The following TEX2 variants were observed in gnomAD, a reference collection of about 807,000 sequenced individuals.
TEX2 encodes the protein testis-expressed protein 2.
A neutral mutation model predicts 106.9 loss-of-function variants in TEX2; 53 were observed. That is an observed-to-expected ratio of 0.50 (90% CI 0.40 to 0.62). The LOEUF (loss-of-function observed/expected upper bound fraction) is 0.62, where lower values mean the gene tolerates loss of function less well. TEX2 is among the 20% of genes least tolerant of loss of function. TEX2 has a pLI of 0.00. For missense variants in TEX2, 1,207 were observed against 1,379.0 expected (o/e 0.88, Z 1.98); for synonymous variants, 523 against 534.8 (o/e 0.98, Z 0.30).
chr17:64,210,633 G>GTTTTTTTT (rs1598182744), intron 2 of TEX2, among the ~76,000 whole-genome samples: 1 of 66,334 alleles, frequency 1.5e-5, no homozygotes, highest in African/African-American at 5.3e-5. Flanking sequence ...CCAACCCCCA[G>GTTTTTTTT]CTTTTTTTTT....
At chr17:64,247,963 C>G (rs529510826) in intron 1 of TEX2, among the ~76,000 whole-genome samples, 1 of 152,222 alleles carries the variant, frequency 6.6e-6, no homozygotes, top group South Asian at 2.1e-4. Context: ...AATCCACATT[C>G]CTTTGGATGG....
chr17:64,177,310 T>C lies in TEX2; in HGVS notation c.2571+15A>G, dbSNP rs2031654500. The C allele has an allele frequency of 6.2e-7, 1 of 1,613,956 alleles. No homozygotes were observed. Among genetic ancestry groups the C allele is most frequent in the Non-Finnish European group, 8.5e-7 (1 of 1,179,948 alleles). ...AGTATAGAGGATTAGAAGCCTCTTG[T>C]GTGGAAAGTGATACCTTTATTTTGC... On this transcript the variant is annotated intron_variant, in intron 6 of 11. Coordinates refer to ENST00000584379, the MANE Select transcript of TEX2 (RefSeq NM_001288732.2).
At chr17:64,168,253 G>C (rs943203463) in intron 7 of TEX2, among the ~76,000 whole-genome samples, 3 of 152,000 alleles carry the variant, frequency 2.0e-5, no homozygotes, top group Non-Finnish European at 4.4e-5. Flanking sequence ...TTTCTTTCAC[G>C]GTCATTTCTG....
intron 2 of TEX2, among the ~76,000 whole-genome samples, chr17:64,209,538 GAC>G (rs1198042805): frequency 2.0e-5 from 3 of 152,236 alleles, no homozygotes; most frequent in Admixed American, 6.5e-5. Context: ...CTTAGTCTAT[GAC>G]AGTTTGCTTG....
intron 7 of TEX2, among the ~76,000 whole-genome samples, chr17:64,162,140 A>G (rs1281572964): frequency 6.6e-6 from 1 of 152,246 alleles, no homozygotes; most frequent in East Asian, 1.9e-4. Context: ...ATGGAGATCA[A>G]TTGTGATTAT....
Position 64,213,867 on chromosome 17 carries a change from C to T in TEX2, c.351G>A (p.Leu117=). The change falls in exon 2 of 12, where the codon TTG becomes TTA. Residue 117 remains leucine, a synonymous_variant. Transcript: ENST00000584379. The surrounding 1 kb of genome is among the most constrained non-coding windows in gnomAD (Gnocchi z 4.4). ...LPVSKNTVKL[L]ESPVPAAQVL... ...CTTGTGCTGCTGGAACAGGGGACTC[C>T]AACAGCTTTACAGTGTTCTTGGAGA... The T allele has an allele frequency of 6.2e-7, 1 of 1,614,180 alleles. No homozygotes were observed. The highest frequency in any genetic ancestry group is 8.5e-7 in the Non-Finnish European group (1 of 1,180,030).
chr17:64,246,214 A>T (rs2033985428), intron 1 of TEX2, among the ~76,000 whole-genome samples: 1 of 152,228 alleles, frequency 6.6e-6, no homozygotes, highest in Admixed American at 6.5e-5. Context: ...ATTTCTGCTA[A>T]CAGGGATCTG....
intron 2 of TEX2, among the ~76,000 whole-genome samples, chr17:64,211,705 G>A (rs1474746766): frequency 8.9e-5 from 12 of 135,418 alleles, no homozygotes; most frequent in African/African-American, 3.3e-4. Context: ...TGGTATCCTT[G>A]GGGGGGGTCC....
intron 1 of TEX2, among the ~76,000 whole-genome samples, chr17:64,214,794 C>A (rs1021494920): frequency 6.6e-6 from 1 of 152,190 alleles, no homozygotes; most frequent in Non-Finnish European, 1.5e-5. Flanking sequence ...AGCAAAGTAT[C>A]CAAATGTGGA....
intron 1 of TEX2, among the ~76,000 whole-genome samples, chr17:64,240,923 AT>A (rs1460673820): frequency 2.6e-5 from 4 of 152,188 alleles, no homozygotes; most frequent in Non-Finnish European, 5.9e-5. Context: ...ATGTGAAAAA[AT>A]TTTTAAACAG....
At chr17:64,149,473 T>C (rs1017970662) in intron 11 of TEX2, 1 of 162,844 alleles carries the variant, frequency 6.1e-6, no homozygotes, top group African/African-American at 2.4e-5. Flanking sequence ...TATTAATAAA[T>C]CCTAGCGATA....
At chr17:64,166,181 C>T (rs2031127371) in intron 7 of TEX2, among the ~76,000 whole-genome samples, 1 of 152,222 alleles carries the variant, frequency 6.6e-6, no homozygotes, top group South Asian at 2.1e-4. Flanking sequence ...TTTATTAATA[C>T]TAACACAGTG....
At chr17:64,182,098 A>G (rs1343191565) in intron 5 of TEX2, among the ~76,000 whole-genome samples, 1 of 152,164 alleles carries the variant, frequency 6.6e-6, no homozygotes, top group Non-Finnish European at 1.5e-5. Context: ...CGATGGAGGA[A>G]TGGATAAGCA....
At chr17:64,209,999 C>T (rs2143027496) in intron 2 of TEX2, among the ~76,000 whole-genome samples, 1 of 152,312 alleles carries the variant, frequency 6.6e-6, no homozygotes, top group South Asian at 2.1e-4. Context: ...GAAAAAAACA[C>T]TAAAGATTGA....
At chr17:64,248,946 G>T (rs1358229772) in intron 1 of TEX2, among the ~76,000 whole-genome samples, 5 of 151,834 alleles carry the variant, frequency 3.3e-5, no homozygotes, top group Non-Finnish European at 5.9e-5. Flanking sequence ...GAGGAAGGAG[G>T]ATCACTTGAA....
In TEX2 at chr17:64,195,748, TTG is replaced by T. The variant is rs1243329597; in HGVS notation, c.1645-655_1645-654del. ...CCTGCCAAATTGGACATAAATGATT[TTG>T]TGTTACATATCTTGATTTTTTAAAA... On this transcript the variant is annotated intron_variant, in intron 2 of 11. Transcript: ENST00000584379. This position sits in a 1 kb window ranked among gnomAD's most constrained non-coding sequence, Gnocchi z 4.1. Among the ~76,000 whole-genome samples, 1 of 152,236 alleles carries T rather than the reference TTG, an allele frequency of 6.6e-6. No individual in the cohort carries two copies. Among genetic ancestry groups the T allele is most frequent in the Admixed American group, 6.5e-5 (1 of 15,284 alleles).
At chr17:64,238,977 T>C (rs782383044) in intron 1 of TEX2, among the ~76,000 whole-genome samples, 6 of 152,224 alleles carry the variant, frequency 3.9e-5, no homozygotes, top group Non-Finnish European at 5.9e-5. Flanking sequence ...TTATTGAAGA[T>C]TTATGTCCCA....
Position 64,217,507 on chromosome 17 carries a change from A to C in TEX2, c.-25-3265T>G, listed in dbSNP as rs2033220875. ...ATTCCTGCTTTGTCCCAGCTTTTGT[A>C]CCTGCCCTCTGTGCTCCGTCATGGA... On this transcript the variant is annotated intron_variant, in intron 1 of 11. Coordinates refer to ENST00000584379, the MANE Select transcript of TEX2 (RefSeq NM_001288732.2). The surrounding 1 kb of genome is among the most constrained non-coding windows in gnomAD (Gnocchi z 4.3). Among the ~76,000 whole-genome samples, 1 of 152,142 alleles carries C rather than the reference A, an allele frequency of 6.6e-6. No homozygotes were observed.
At chr17:64,210,681 C>T (rs1288484613) in intron 2 of TEX2, among the ~76,000 whole-genome samples, 3 of 124,152 alleles carry the variant, frequency 2.4e-5, no homozygotes, top group African/African-American at 3.0e-5. Flanking sequence ...ATCACGCTGC[C>T]ATTTTTAGAG....
Sources: allele counts gnomAD v4.1 joint callset (sites outside exome capture counted in the v4.1 genomes callset), GRCh38; gene constraint gnomAD v4.1.1; non-coding constraint Gnocchi (gnomAD v3.1); transcripts MANE v1.5; gene names NCBI Gene and HGNC (gene_info 2026-07-23, HGNC 2026-07-21).